CYRIA: variants seen among roughly 807,000 people sequenced by gnomAD.
CYRIA encodes the protein CYFIP related Rac1 interactor A.
Under a neutral mutation model 43.9 loss-of-function variants are expected in CYRIA, and 15 were observed. The ratio of observed to expected loss-of-function variants is 0.34; its 90% CI spans 0.23 to 0.53. The LOEUF (loss-of-function observed/expected upper bound fraction) is 0.53. CYRIA is among the 20% of genes least tolerant of loss of function. CYRIA has a pLI of 0.94. For missense variants in CYRIA, 236 were observed against 394.2 expected (o/e 0.60, Z 3.40); for synonymous variants, 117 against 136.0 (o/e 0.86, Z 0.97).
intron 1 of CYRIA, among the ~76,000 whole-genome samples, chr2:16,635,970 C>T (rs970516632): frequency 2.6e-5 from 4 of 152,110 alleles, no homozygotes; most frequent in African/African-American, 4.8e-5. Flanking sequence ...GGATAAGAAA[C>T]GCGACCGACA....
intron 2 of CYRIA, chr2:16,623,185 G>A (rs768542963): frequency 8.5e-5 from 13 of 152,150 alleles, no homozygotes; most frequent in African/African-American, 2.7e-4. Flanking sequence ...GCAGCTGAAC[G>A]CTTGACCAAA....
At chr2:16,619,382 G>T (rs1363790153) in intron 2 of CYRIA, among the ~76,000 whole-genome samples, 1 of 150,826 alleles carries the variant, frequency 6.6e-6, no homozygotes, top group South Asian at 2.1e-4. Flanking sequence ...TGCATATATA[G>T]ATATATATAT....
chr2:16,551,027 T>A lies in CYRIA; in HGVS notation c.*1909A>T, dbSNP rs749284561. On this transcript the variant is annotated 3_prime_UTR_variant, in exon 12 of 12. Transcript: ENST00000381323. ...AAAAGGTCTTGAAGACCACCTAGCA[T>A]ATTTCTATTCTGATGAGAGAAACTC... 6.6e-6 allele frequency: 1 copy of A among 152,128 alleles called. No homozygotes were observed. Among genetic ancestry groups the A allele is most frequent in the Non-Finnish European group, 1.5e-5 (1 of 68,010 alleles). 9.4% of individuals were successfully genotyped at this position (152,128 alleles called of 1,614,324 possible).
intron 1 of CYRIA, among the ~76,000 whole-genome samples, chr2:16,644,821 A>C (rs998489978): frequency 6.6e-6 from 1 of 152,212 alleles, no homozygotes; most frequent in African/African-American, 2.4e-5. Context: ...GGAAATAAGA[A>C]GAAAATAGAG....
At chr2:16,662,592 T>G (rs947715759) in intron 1 of CYRIA, among the ~76,000 whole-genome samples, 1 of 152,186 alleles carries the variant, frequency 6.6e-6, no homozygotes, top group East Asian at 1.9e-4. Flanking sequence ...CATGATGAAG[T>G]TGGAACCGGA....
chr2:16,660,501 C>T (rs1461965068), intron 1 of CYRIA, among the ~76,000 whole-genome samples: 2 of 152,182 alleles, frequency 1.3e-5, no homozygotes, highest in Non-Finnish European at 2.9e-5. Flanking sequence ...GGCCAGGCTC[C>T]ACTGGGCCAT....
At chr2:16,621,061 C>T (rs562650959) in intron 2 of CYRIA, among the ~76,000 whole-genome samples, 3 of 152,288 alleles carry the variant, frequency 2.0e-5, no homozygotes, top group South Asian at 2.1e-4. Flanking sequence ...GCCATTAGTG[C>T]GTCTCCTGGT....
intron 3 of CYRIA, among the ~76,000 whole-genome samples, chr2:16,584,843 C>T (rs1156850425): frequency 1.3e-5 from 2 of 152,138 alleles, no homozygotes; most frequent in Non-Finnish European, 2.9e-5. Flanking sequence ...TTCCAAATGC[C>T]ACCTCTTGCA....
At chr2:16,554,167 T>C (rs144714596) in intron 11 of CYRIA, among the ~76,000 whole-genome samples, 1 of 152,244 alleles carries the variant, frequency 6.6e-6, no homozygotes, top group African/African-American at 2.4e-5. Context: ...AACATGAGCA[T>C]TGTACATAGG....
intron 5 of CYRIA, among the ~76,000 whole-genome samples, 180 bp from the exon 6 acceptor site, chr2:16,562,321 G>A (rs546049966): frequency 6.6e-6 from 1 of 152,248 alleles, no homozygotes; most frequent in Non-Finnish European, 1.5e-5. Context: ...GGCTGGGCAG[G>A]CAGCCTCCCC....
intron 1 of CYRIA, among the ~76,000 whole-genome samples, chr2:16,644,648 G>C (rs916391185): frequency 6.6e-6 from 1 of 152,142 alleles, no homozygotes. Context: ...TGGGGCTTCC[G>C]GGCTCTGATT....
At chr2:16,593,870 T>G (rs1558418865) in intron 2 of CYRIA, among the ~76,000 whole-genome samples, 4 of 146,728 alleles carry the variant, frequency 2.7e-5, no homozygotes, top group African/African-American at 7.6e-5. Context: ...ATGCTATCCC[T>G]CCCCCCGACC....
intron 3 of CYRIA, among the ~76,000 whole-genome samples, chr2:16,574,932 C>G (rs984513349): frequency 6.6e-6 from 1 of 152,176 alleles, no homozygotes; most frequent in Non-Finnish European, 1.5e-5. Context: ...GGCCACCATC[C>G]TCCAGACCCC....
At chr2:16,580,212 G>A (rs1434302312) in intron 3 of CYRIA, among the ~76,000 whole-genome samples, 2 of 152,038 alleles carry the variant, frequency 1.3e-5, no homozygotes. Context: ...CCTCCCAAAG[G>A]TATGGTGGTA....
chr2:16,619,278 C>T (rs112535831), intron 2 of CYRIA, among the ~76,000 whole-genome samples: 10 of 152,130 alleles, frequency 6.6e-5, no homozygotes, highest in Admixed American at 6.5e-5. Flanking sequence ...ATAATGTACA[C>T]ATATATACAT....
chr2:16,607,514 C>G (rs747635766), intron 2 of CYRIA, among the ~76,000 whole-genome samples: 3 of 152,220 alleles, frequency 2.0e-5, no homozygotes, highest in Non-Finnish European at 1.5e-5. Context: ...CGCCCCTCTG[C>G]TGAAGCTACT....
chr2:16,593,698 G>GTT (rs201907701), intron 2 of CYRIA, among the ~76,000 whole-genome samples: 6 of 81,994 alleles, frequency 7.3e-5, no homozygotes, highest in African/African-American at 2.1e-4. Context: ...GTGTGTGTGT[G>GTT]TTTTTTTTTG....
At chr2:16,620,818 T>A (rs1668967432) in intron 2 of CYRIA, among the ~76,000 whole-genome samples, 1 of 152,164 alleles carries the variant, frequency 6.6e-6, no homozygotes, top group African/African-American at 2.4e-5. Context: ...GGCACAGTCC[T>A]TGCCTATGTG....
chr2:16,661,161 G>C (rs1468604063), intron 1 of CYRIA, among the ~76,000 whole-genome samples: 1 of 152,108 alleles, frequency 6.6e-6, no homozygotes, highest in East Asian at 1.9e-4. Context: ...TGTGGTCCCA[G>C]CTACTCAGGA....
Sources: gnomAD v4.1 joint callset for allele counts (sites outside exome capture counted in the v4.1 genomes callset) on GRCh38, gnomAD v4.1.1 for gene constraint, MANE v1.5 for transcripts, NCBI Gene and HGNC (gene_info 2026-07-23, HGNC 2026-07-21) for gene names.